Variants in RHOBTB2 observed in about 807,000 individuals in gnomAD.
RHOBTB2 encodes the protein Rho related BTB domain containing 2.
In RHOBTB2, 39 loss-of-function variants were observed where a neutral mutation model predicts 66.5. The observed-to-expected ratio is 0.59, with a 90% CI of 0.45 to 0.77. The LOEUF (loss-of-function observed/expected upper bound fraction) is 0.77. Ranked by LOEUF, RHOBTB2 falls within the 30% of genes least tolerant of loss-of-function variation. The pLI, the probability that RHOBTB2 is intolerant of heterozygous loss-of-function variation, is 0.00. For missense variants in RHOBTB2, 755 were observed against 999.1 expected (o/e 0.76, Z 3.29); for synonymous variants, 390 against 395.0 (o/e 0.99, Z 0.15).
chr8:23,001,518 A>G (rs528975180), intron 1 of RHOBTB2, among the ~76,000 whole-genome samples: 1 of 152,318 alleles, frequency 6.6e-6, no homozygotes, highest in South Asian at 2.1e-4. Flanking sequence ...TAACACTTGA[A>G]TTGGGCCAGT....
Position 22,994,400 on chromosome 8 carries a change from T to C in RHOBTB2, c.-23-161T>C, listed in dbSNP as rs527976319. ...TGGTCTTGGCCCCCAGGCTGGGGTC[T>C]CACCCCGCGCTGGACCCGGACATCA... is the stretch of plus-strand genomic sequence containing the variant. On this transcript the variant is annotated intron_variant, in intron 2 of 11. Coordinates refer to the RHOBTB2 transcript ENST00000519685. Among the ~76,000 whole-genome samples, 23 of 152,292 alleles carry C rather than the reference T, an allele frequency of 1.5e-4. No homozygotes were observed. In the East Asian group the frequency reaches 3.1e-3, roughly 20 times the overall value.
chr8:23,013,345 C>T (rs1255276829), intron 7 of RHOBTB2, among the ~76,000 whole-genome samples: 8 of 152,072 alleles, frequency 5.3e-5, no homozygotes, highest in African/African-American at 1.9e-4. Flanking sequence ...CTCTCACAGA[C>T]CCCTCTCTCC....
At chr8:22,984,122 G>A (rs746397330), upstream of RHOBTB2, among the ~76,000 whole-genome samples, 55 of 151,664 alleles carry the variant, frequency 3.6e-4, no homozygotes, top group South Asian at 2.1e-4. Flanking sequence ...GCAAGGCTGA[G>A]TGCAAAAAAA....
chr8:22,995,970 C>A, upstream of RHOBTB2: 1 of 1,265,450 alleles, frequency 7.9e-7, no homozygotes, highest in South Asian at 1.3e-5. Context: ...GCCAGGCGGT[C>A]TGCGTTGGGC....
At chr8:22,973,123 A>G in the RHOBTB2 span, among the ~76,000 whole-genome samples, 1 of 152,142 alleles carries the variant, frequency 6.6e-6, no homozygotes, top group Non-Finnish European at 1.5e-5. Flanking sequence ...CCTGCCCCCA[A>G]GACAGTGCCC....
upstream of RHOBTB2, among the ~76,000 whole-genome samples, chr8:22,996,533 G>C (rs1022725125): frequency 4.2e-4 from 59 of 142,074 alleles, no homozygotes; most frequent in South Asian, 9.2e-4. Flanking sequence ...GTGTGTGTGT[G>C]TGTGTGTGTG....
chr8:22,956,007 AC>A, the RHOBTB2 span, among the ~76,000 whole-genome samples: 1 of 152,078 alleles, frequency 6.6e-6, no homozygotes, highest in African/African-American at 2.4e-5. Context: ...GGGCTCTGGG[AC>A]CCTACCTATG....
At chr8:22,995,925 A>C (rs1325627089), upstream of RHOBTB2, 1 of 1,540,850 alleles carries the variant, frequency 6.5e-7, no homozygotes, top group East Asian at 2.4e-5. Flanking sequence ...CTGCCTGTGA[A>C]GCAAAGGGAA....
upstream of RHOBTB2, among the ~76,000 whole-genome samples, chr8:22,984,331 G>A (rs967940522): frequency 3.3e-5 from 5 of 152,222 alleles, no homozygotes; most frequent in Non-Finnish European, 5.9e-5. Flanking sequence ...GTCGGAGGTA[G>A]AAATTGGAAG....
rs1407399565 is a variant in RHOBTB2, at chr8:23,010,534, C to G, written c.1621-4C>G. The G allele has an allele frequency of 2.5e-6, 4 of 1,612,000 alleles. No individual in the cohort carries two copies. Among genetic ancestry groups the G allele is most frequent in the Non-Finnish European group, 3.4e-6 (4 of 1,178,712 alleles). ...TGCTGTCCGCTCACTCCTTCCCTCCCCAGGTGGTGTTTCCCTACACAAGCA... is the reference window on the plus strand; with the variant it reads ...TGCTGTCCGCTCACTCCTTCCCTCCGCAGGTGGTGTTTCCCTACACAAGCA... On this transcript the variant is annotated splice_region_variant and splice_polypyrimidine_tract_variant and intron_variant, in intron 6 of 9. Coordinates refer to ENST00000251822, the MANE Select transcript of RHOBTB2 (RefSeq NM_015178.3).
rs763318462 is a variant in RHOBTB2 at position 23,007,443 on chromosome 8, A to G, written c.1198A>G (p.Met400Val). 5.0e-6 allele frequency: 8 copies of G among 1,614,162 alleles called. No homozygotes were observed. The highest frequency in any genetic ancestry group is 1.7e-5 in the Admixed American group (1 of 60,024). Residue 400 changes from methionine to valine, a missense_variant, in exon 5 of 10, where the codon ATG becomes GTG. This residue lies in a region of RHOBTB2 where 353 missense variants were observed against 458.2 expected (regional missense o/e 0.77). Coordinates refer to ENST00000251822, the MANE Select transcript of RHOBTB2 (RefSeq NM_015178.3). Reference protein sequence around the residue: ...SRAFVSIQEEMAEDPLTYKSR... With the variant: ...SRAFVSIQEEVAEDPLTYKSR... ...AGCTTTTGTGAGCATCCAGGAAGAG[A>G]TGGCAGAAGATCCTCTCACCTACAA...
chr8:23,014,721 G>C lies in RHOBTB2; in HGVS notation c.1803G>C (p.Ala601=), dbSNP rs767052748. The C allele has an allele frequency of 5.6e-6, 9 of 1,614,022 alleles. 1 individual carries two copies. Among genetic ancestry groups the C allele is most frequent in the Middle Eastern group, 3.3e-4 (2 of 6,084 alleles). Reference sequence around the variant, plus strand: ...ACACAGTGACCGGGCTGATGGAAGCGACCCAGATGATGGTGGACATCGATG... The same window carrying C: ...ACACAGTGACCGGGCTGATGGAAGCCACCCAGATGATGGTGGACATCGATG... ...EQYTVTGLME[A]TQMMVDIDGD... The change falls in exon 8 of 10, where the codon GCG becomes GCC. Residue 601 remains alanine (A), a synonymous_variant. Coordinates refer to ENST00000251822, the MANE Select transcript of RHOBTB2 (RefSeq NM_015178.3).
chr8:22,998,456 G>A (rs1024709016), upstream of RHOBTB2, among the ~76,000 whole-genome samples: 1 of 152,124 alleles, frequency 6.6e-6, no homozygotes, highest in African/African-American at 2.4e-5. Flanking sequence ...CATCCTGGCT[G>A]GGCATGGTGG....
chr8:22,994,672 C>G, upstream of RHOBTB2: 1 of 1,516,368 alleles, frequency 6.6e-7, no homozygotes, highest in African/African-American at 1.4e-5. Context: ...GCTCTCCCTT[C>G]CCAAACATTG....
the RHOBTB2 span, among the ~76,000 whole-genome samples, chr8:22,975,958 C>T: frequency 6.6e-6 from 1 of 151,932 alleles, no homozygotes; most frequent in Non-Finnish European, 1.5e-5. Context: ...CCAGCCTGAC[C>T]AACATGGTGA....
chr8:22,999,514 G>T, upstream of RHOBTB2: 1 of 782,728 alleles, frequency 1.3e-6, no homozygotes, highest in Non-Finnish European at 1.6e-6. Context: ...CCCGCCCCCC[G>T]AACGCTTTCC....
rs115570625 is a variant in RHOBTB2, at chr8:23,014,987, G to A, written c.1860+209G>A. Among the ~76,000 whole-genome samples, 841 of 152,240 alleles carry A rather than the reference G, an allele frequency of 5.5e-3. 10 individuals carry two copies. Among genetic ancestry groups the A allele is most frequent in the African/African-American group, 0.019 (796 of 41,534 alleles). On this transcript the variant is annotated intron_variant, in intron 8 of 9. Coordinates refer to ENST00000251822, the MANE Select transcript of RHOBTB2 (RefSeq NM_015178.3). ...GTACCCGGAGGGGAGCTGACCAAGT[G>A]GGGAAGGGATGAGGCTTTAGGCAGC...
At chr8:23,013,399 C>A (rs1563295508) in intron 7 of RHOBTB2, among the ~76,000 whole-genome samples, 2 of 152,028 alleles carry the variant, frequency 1.3e-5, no homozygotes, top group South Asian at 4.1e-4. Context: ...TTTTTTATGG[C>A]ACTTTTTATG....
chr8:23,010,092 C>G (rs1055638092), intron 6 of RHOBTB2, among the ~76,000 whole-genome samples: 5 of 117,476 alleles, frequency 4.3e-5, no homozygotes, highest in Non-Finnish European at 9.5e-5. Flanking sequence ...AGGCCTCCTT[C>G]AAGCATCCCG....
Sources: allele counts gnomAD v4.1 joint callset (sites outside exome capture counted in the v4.1 genomes callset), GRCh38; gene constraint gnomAD v4.1.1; regional missense constraint gnomAD v4.1.1; transcripts MANE v1.5; gene names NCBI Gene and HGNC (gene_info 2026-07-23, HGNC 2026-07-21).